Variants in SHISA6 observed in about 807,000 individuals in gnomAD.
SHISA6 encodes the protein shisa family member 6, also known as protein shisa-6.
A neutral mutation model predicts 47.9 loss-of-function variants in SHISA6; 22 were observed. That is an observed-to-expected ratio of 0.46 (90% CI 0.33 to 0.66). SHISA6 has a LOEUF of 0.66. Among genes scored for constraint, SHISA6 ranks in the 30% least tolerant of loss-of-function variants. The pLI is 0.02. For missense variants in SHISA6, 680 were observed against 764.6 expected, an observed-to-expected ratio of 0.89 and a Z score of 1.30; for synonymous variants, 388 against 337.8, an observed-to-expected ratio of 1.15 and a Z score of -1.63.
At chr17:11,248,074 T>C (rs1479137867) in intron 1 of SHISA6, among the ~76,000 whole-genome samples, 2 of 151,886 alleles carry the variant, frequency 1.3e-5, no homozygotes, top group Non-Finnish European at 2.9e-5. Flanking sequence ...GAGCCTGGCC[T>C]CTAGTGTCTT....
At chr17:11,421,792 G>C (rs1276496195) in intron 3 of SHISA6, among the ~76,000 whole-genome samples, 1 of 152,202 alleles carries the variant, frequency 6.6e-6, no homozygotes, top group Non-Finnish European at 1.5e-5. Context: ...TAGGTGTTAA[G>C]AGTAGATTGG....
chr17:11,301,157 T>C (rs1299337816), intron 2 of SHISA6, among the ~76,000 whole-genome samples: 1 of 152,074 alleles, frequency 6.6e-6, no homozygotes, highest in Admixed American at 6.6e-5. Context: ...ACCCCTTTAA[T>C]GCAGCTGGAA....
intron 2 of SHISA6, among the ~76,000 whole-genome samples, chr17:11,323,819 A>G (rs1449568860): frequency 6.6e-6 from 1 of 152,028 alleles, no homozygotes; most frequent in Non-Finnish European, 1.5e-5. Flanking sequence ...CAGCATGGGT[A>G]TAGTACCCTC....
chr17:11,245,090 G>C (rs904900917), intron 1 of SHISA6, among the ~76,000 whole-genome samples: 2 of 152,214 alleles, frequency 1.3e-5, no homozygotes, highest in Admixed American at 1.3e-4. Context: ...ATTAGACCTT[G>C]CTATCGTGTT....
At chr17:11,383,793 G>C (rs1913108707) in intron 3 of SHISA6, among the ~76,000 whole-genome samples, 1 of 151,998 alleles carries the variant, frequency 6.6e-6, no homozygotes, top group Non-Finnish European at 1.5e-5. Context: ...ATGATAAATA[G>C]AATCTAGGTC....
chr17:11,462,686 G>C (rs893452869), intron 3 of SHISA6, among the ~76,000 whole-genome samples: 4 of 151,900 alleles, frequency 2.6e-5, no homozygotes, highest in African/African-American at 9.7e-5. Flanking sequence ...AGAGTGCAAT[G>C]GCACGATCTC....
intron 3 of SHISA6, among the ~76,000 whole-genome samples, chr17:11,540,848 A>G (rs1296390305): frequency 1.3e-5 from 2 of 152,248 alleles, no homozygotes; most frequent in Non-Finnish European, 1.5e-5. Context: ...GAACCCAGAT[A>G]TATACCAACA....
intron 3 of SHISA6, among the ~76,000 whole-genome samples, chr17:11,533,717 C>T (rs2142373461): frequency 6.6e-6 from 1 of 151,592 alleles, no homozygotes; most frequent in South Asian, 2.1e-4. Context: ...CTCAGCCTCC[C>T]AAGTAGCTGG....
chr17:11,431,387 A>G (rs992560380), intron 3 of SHISA6, among the ~76,000 whole-genome samples: 13 of 152,144 alleles, frequency 8.5e-5, no homozygotes, highest in African/African-American at 3.1e-4. Flanking sequence ...ACCACCACAC[A>G]GGTTTGTGTG....
At chr17:11,267,560 C>G (rs1908472070) in intron 2 of SHISA6, among the ~76,000 whole-genome samples, 2 of 152,138 alleles carry the variant, frequency 1.3e-5, no homozygotes, top group South Asian at 4.1e-4. Context: ...AAAAAAGAAA[C>G]AAACAAAAAC....
chr17:11,293,525 C>G (rs1252591278), intron 2 of SHISA6, among the ~76,000 whole-genome samples: 1 of 152,052 alleles, frequency 6.6e-6, no homozygotes, highest in African/African-American at 2.4e-5. Flanking sequence ...CTTGGTGGAG[C>G]CTGGGCATCC....
intron 4 of SHISA6, among the ~76,000 whole-genome samples, chr17:11,552,928 T>C (rs959632181): frequency 3.3e-5 from 5 of 152,084 alleles, no homozygotes; most frequent in African/African-American, 9.7e-5. Context: ...ATGTTGACAG[T>C]GGGAAAAGAA....
intron 2 of SHISA6, among the ~76,000 whole-genome samples, chr17:11,278,722 G>A (rs527492154): frequency 1.3e-4 from 20 of 152,330 alleles, no homozygotes; most frequent in African/African-American, 4.6e-4. Flanking sequence ...TCTTTATTCT[G>A]CTCTGTATTC....
chr17:11,268,887 T>C (rs1256690547), intron 2 of SHISA6, among the ~76,000 whole-genome samples: 1 of 152,186 alleles, frequency 6.6e-6, no homozygotes, highest in Non-Finnish European at 1.5e-5. Flanking sequence ...AGCTGCTGCA[T>C]GCTGAAGAAC....
At chr17:11,463,363 T>C (rs555096320) in intron 3 of SHISA6, among the ~76,000 whole-genome samples, 1 of 152,208 alleles carries the variant, frequency 6.6e-6, no homozygotes, top group South Asian at 2.1e-4. Context: ...CTGTAAATAG[T>C]AAAAACCTTT....
intron 2 of SHISA6, among the ~76,000 whole-genome samples, chr17:11,293,973 C>T (rs1189459414): frequency 6.6e-6 from 1 of 152,172 alleles, no homozygotes; most frequent in Non-Finnish European, 1.5e-5. Flanking sequence ...GCAACCTCTG[C>T]CTCCTGGGTT....
At chr17:11,307,410 C>A (rs1273992394) in intron 2 of SHISA6, among the ~76,000 whole-genome samples, 2 of 152,164 alleles carry the variant, frequency 1.3e-5, no homozygotes, top group Non-Finnish European at 2.9e-5. Flanking sequence ...GTCTGCATAG[C>A]CAAAGCTGGG....
At chr17:11,363,745 C>T (rs1363389252) in intron 2 of SHISA6, among the ~76,000 whole-genome samples, 3 of 152,204 alleles carry the variant, frequency 2.0e-5, no homozygotes, top group African/African-American at 7.2e-5. Context: ...CCATAAGACA[C>T]GCCCACCAGT....
chr17:11,360,742 A>G (rs1299300974), intron 2 of SHISA6, among the ~76,000 whole-genome samples: 1 of 151,256 alleles, frequency 6.6e-6, no homozygotes, highest in Non-Finnish European at 1.5e-5. Context: ...GCACATGTAT[A>G]CCTGTGTAAC....
Sources: gnomAD v4.1 joint callset for allele counts (sites outside exome capture counted in the v4.1 genomes callset) on GRCh38, gnomAD v4.1.1 for gene constraint, MANE v1.5 for transcripts, NCBI Gene and HGNC (gene_info 2026-07-23, HGNC 2026-07-21) for gene names.